Variants in ZNF675 observed in about 807,000 individuals in gnomAD.
ZNF675 encodes TRAF6 inhibitory zinc finger.
Under a neutral mutation model 56.1 loss-of-function variants are expected in ZNF675, and 36 were observed. That is an observed-to-expected ratio of 0.64 (90% CI 0.49 to 0.85). The LOEUF is 0.85. Ranked by LOEUF, ZNF675 falls within the 40% of genes least tolerant of loss-of-function variation. The pLI is 0.00. For synonymous variants in ZNF675, 200 were observed against 218.9 expected (o/e 0.91, Z 0.76); for missense variants, 663 against 654.2 (o/e 1.01, Z -0.15).
chr19:23,658,915 A>ATCTATAGATC (rs1309638611), intron 3 of ZNF675, among the ~76,000 whole-genome samples: 44 of 143,560 alleles, frequency 3.1e-4, no homozygotes, highest in Non-Finnish European at 5.7e-4. Flanking sequence ...ATAGATAGAT[A>ATCTATAGATC]TAGATCTATA....
Position 23,653,144 on chromosome 19 carries a change from A to T in ZNF675, c.*82T>A. On this transcript the variant is annotated 3_prime_UTR_variant, in exon 4 of 4. Transcript: ENST00000359788. ...GTGAAAACCATTTAAAGTCTTTGAC[A>T]CATTCTTTACATTTCTAGAATTTTT... 7.8e-7 allele frequency: 1 copy of T among 1,283,352 alleles called. No individual in the cohort carries two copies. The highest frequency in any genetic ancestry group is 1.1e-6 in the Non-Finnish European group (1 of 933,062). The allele number at this position is 1,283,352 out of a possible 1,614,324, so 79.5% of individuals were successfully genotyped here.
At position 23,654,033 on chromosome 19, in the gene ZNF675, A is replaced by T; in HGVS notation, c.900T>A (p.Thr300=). ...GKAFNQFSNL[T]THKKIHTGEQ... ...CTCCAGTATGAATTTTTTTATGTGT[A>T]GTAAGATTTGAGAACTGGTTAAAGG... Residue 300 remains threonine (T), a synonymous_variant, in exon 4 of 4, where the codon ACT becomes ACA. Transcript: ENST00000359788. 1 of 1,613,778 alleles carries T rather than the reference A, an allele frequency of 6.2e-7. No individual in the cohort carries two copies. Among genetic ancestry groups the T allele is most frequent in the Admixed American group, 1.7e-5 (1 of 59,998 alleles).
At chr19:23,658,801 ATC>A (rs1968023585) in intron 3 of ZNF675, 2 of 151,842 alleles carry the variant, frequency 1.3e-5, no homozygotes, top group African/African-American at 4.8e-5. Context: ...ATCTATAGAT[ATC>A]TATAGAGATA....
chr19:23,680,890 G>C (rs1232960773), intron 1 of ZNF675, among the ~76,000 whole-genome samples: 4 of 151,912 alleles, frequency 2.6e-5, no homozygotes, highest in South Asian at 2.1e-4. Flanking sequence ...AAAAATACTT[G>C]TTTGGTGCCA....
At chr19:23,664,958 AAAAAC>A (rs1348578475) in intron 1 of ZNF675, among the ~76,000 whole-genome samples, 1 of 152,076 alleles carries the variant, frequency 6.6e-6, no homozygotes. Context: ...CTCAAAAACA[AAAAAC>A]AAAACATGAT....
At chr19:23,676,314 A>T (rs1225793139) in intron 1 of ZNF675, among the ~76,000 whole-genome samples, 1 of 151,802 alleles carries the variant, frequency 6.6e-6, no homozygotes, top group Non-Finnish European at 1.5e-5. Context: ...AACTATTCCA[A>T]ATAATTGAGA....
At position 23,654,556 on chromosome 19, in the gene ZNF675, T is replaced by C. The variant is rs749541648; in HGVS notation, c.377A>G (p.Lys126Arg). The C allele has an allele frequency of 1.2e-6, 2 of 1,612,032 alleles. No individual in the cohort carries two copies. The highest frequency in any genetic ancestry group is 2.2e-5 in the South Asian group (2 of 90,836). Residue 126 changes from lysine to arginine, a missense_variant, in exon 4 of 4, where the codon AAG becomes AGG. Coordinates refer to ENST00000359788, the MANE Select transcript of ZNF675 (RefSeq NM_138330.3). ...TTGGTTAAGTCCATTATAACCTCCC[T>C]TGTGCAACTTACATTCATCCACACT... ...CKSVDECKLH[K>R]GGYNGLNQCL... is the part of the protein sequence containing the mutation.
At chr19:23,661,587 G>A (rs80228145) in intron 3 of ZNF675, among the ~76,000 whole-genome samples, 1 of 151,976 alleles carries the variant, frequency 6.6e-6, no homozygotes, top group Admixed American at 6.6e-5. Context: ...CTATTTGGGA[G>A]GCTGAGACAG....
intron 3 of ZNF675, chr19:23,656,561 C>T (rs1264891317): frequency 6.6e-6 from 1 of 152,056 alleles, no homozygotes; most frequent in Non-Finnish European, 1.5e-5. Context: ...AGTGCCACTG[C>T]ACTCCAGCCT....
At chr19:23,660,841 A>G (rs1968066758) in intron 3 of ZNF675, among the ~76,000 whole-genome samples, 1 of 152,224 alleles carries the variant, frequency 6.6e-6, no homozygotes, top group Admixed American at 6.5e-5. Context: ...TATAATTCTA[A>G]AATTTAAATG....
intron 2 of ZNF675, 39 bp downstream of exon 2, chr19:23,662,993 C>CA (rs61245955): frequency 3.4e-5 from 41 of 1,215,004 alleles, no homozygotes; most frequent in African/African-American, 2.5e-4. Flanking sequence ...AAAAGAAAAA[C>CA]AAAAAAAAAA....
At chr19:23,654,770 CTT>C (rs1967960185) in intron 3 of ZNF675, 64 bp from the exon 4 acceptor site, 3 of 1,339,432 alleles carry the variant, frequency 2.2e-6, no homozygotes, top group African/African-American at 2.9e-5. Context: ...CCAAACCTAA[CTT>C]ATAAAATTAC....
At chr19:23,659,586 G>T (rs961832624) in intron 3 of ZNF675, among the ~76,000 whole-genome samples, 2 of 152,168 alleles carry the variant, frequency 1.3e-5, no homozygotes, top group African/African-American at 4.8e-5. Context: ...GAGAGAGAGG[G>T]AGTTGTGGAA....
chr19:23,679,997 C>T lies in ZNF675; in HGVS notation c.3+7034G>A, dbSNP rs11882610. 8.9e-5 allele frequency among the ~76,000 whole-genome samples: 13 copies of T among 146,808 alleles called. No individual in the cohort carries two copies. The East Asian group carries it at 2.7e-3, about 30-fold the overall frequency. ...AAGAGCGAGACTCCGTACCCCCCCC[C>T]AAAAAAAAACATTAATAAAAACAAA... On this transcript the variant is annotated intron_variant, in intron 1 of 3. Transcript: ENST00000359788.
intron 1 of ZNF675, among the ~76,000 whole-genome samples, chr19:23,663,650 G>A (rs576226329): frequency 7.2e-5 from 11 of 152,198 alleles, no homozygotes; most frequent in Non-Finnish European, 1.6e-4. Context: ...GTGGTGAGTG[G>A]AGATTGCAGT....
chr19:23,674,264 A>G (rs1599420629), intron 1 of ZNF675, among the ~76,000 whole-genome samples: 1 of 152,026 alleles, frequency 6.6e-6, no homozygotes, highest in East Asian at 1.9e-4. Context: ...AGAATGCCAA[A>G]AAGTTTATTT....
chr19:23,666,281 T>G (rs958868543), intron 1 of ZNF675, among the ~76,000 whole-genome samples: 1 of 152,232 alleles, frequency 6.6e-6, no homozygotes, highest in African/African-American at 2.4e-5. Flanking sequence ...AAGTGACACT[T>G]TGTAACTTCA....
intron 1 of ZNF675, among the ~76,000 whole-genome samples, chr19:23,677,605 C>T (rs1968315445): frequency 6.7e-6 from 1 of 148,560 alleles, no homozygotes; most frequent in East Asian, 2.0e-4. Context: ...ACTCAGGAGG[C>T]TGAGGCAGGA....
intron 1 of ZNF675, among the ~76,000 whole-genome samples, chr19:23,667,958 C>T (rs1709280290): frequency 6.6e-6 from 1 of 150,512 alleles, no homozygotes; most frequent in Non-Finnish European, 1.5e-5. Flanking sequence ...TAAAGGTTCT[C>T]CAAGGCCCCA....
Sources: gnomAD v4.1 joint callset for allele counts (sites outside exome capture counted in the v4.1 genomes callset) on GRCh38, gnomAD v4.1.1 for gene constraint, MANE v1.5 for transcripts, NCBI Gene and HGNC (gene_info 2026-07-23, HGNC 2026-07-21) for gene names.